Variants in MOK observed in about 807,000 individuals in gnomAD.
MOK encodes the protein MAPK/MAK/MRK overlapping kinase.
Under a neutral mutation model 54.2 loss-of-function variants are expected in MOK, and 59 were observed. That is an observed-to-expected ratio of 1.09 (90% CI 0.88 to 1.35). The LOEUF is 1.35. MOK is among the 40% of genes most tolerant of loss of function. MOK has a pLI of 0.00. For synonymous variants in MOK, 210 were observed against 202.7 expected (o/e 1.04, Z -0.31); for missense variants, 517 against 526.2 (o/e 0.98, Z 0.17).
At chr14:102,281,050 A>G (rs1465428064) in intron 2 of MOK, among the ~76,000 whole-genome samples, 1 of 152,152 alleles carries the variant, frequency 6.6e-6, no homozygotes, top group Non-Finnish European at 1.5e-5. Flanking sequence ...TAGGCTGGGC[A>G]TGGTGGCTCA....
At chr14:102,225,121 T>C (rs1458942161), downstream of MOK, 1 of 273,408 alleles carries the variant, frequency 3.7e-6, no homozygotes, top group East Asian at 1.1e-4. Context: ...AATGAAGTGG[T>C]GCGATCATAG....
At chr14:102,239,677 T>G (rs1416878582) in intron 7 of MOK, among the ~76,000 whole-genome samples, 3 of 152,182 alleles carry the variant, frequency 2.0e-5, no homozygotes, top group Non-Finnish European at 2.9e-5. Context: ...GAGACCATCC[T>G]GGCCAACATG....
chr14:102,217,917 C>T, the MOK span, among the ~76,000 whole-genome samples: 5 of 152,202 alleles, frequency 3.3e-5, no homozygotes, highest in Admixed American at 1.3e-4. Flanking sequence ...TGAGATTCTG[C>T]CAGGAGCACC....
At chr14:102,242,264 G>A (rs550378004) in intron 7 of MOK, among the ~76,000 whole-genome samples, 135 of 152,194 alleles carry the variant, frequency 8.9e-4, no homozygotes, top group Non-Finnish European at 1.6e-3. Context: ...GGGTATTGAC[G>A]GCCAGGCTTC....
At chr14:102,254,983 G>A (rs989245237) in intron 4 of MOK, among the ~76,000 whole-genome samples, 1 of 152,126 alleles carries the variant, frequency 6.6e-6, no homozygotes, top group Admixed American at 6.5e-5. Context: ...TGGGAAACGT[G>A]GAATCTTTTA....
chr14:102,222,435 C>T (rs1334659505), downstream of MOK, among the ~76,000 whole-genome samples: 1 of 152,206 alleles, frequency 6.6e-6, no homozygotes, highest in Non-Finnish European at 1.5e-5. This position sits in a 1 kb window ranked among gnomAD's most constrained non-coding sequence, Gnocchi z 4.4. Context: ...GGTGTGCGGT[C>T]CAGAACTGCG....
intron 7 of MOK, among the ~76,000 whole-genome samples, chr14:102,248,622 CA>C (rs796121726): frequency 5.9e-5 from 9 of 151,866 alleles, no homozygotes; most frequent in African/African-American, 2.2e-4. Flanking sequence ...ACTAAAAATA[CA>C]AAAAATTAGC....
At chr14:102,222,814 A>T, downstream of MOK, 1 of 1,614,088 alleles carries the variant, frequency 6.2e-7, no homozygotes, top group Non-Finnish European at 8.5e-7. This position sits in a 1 kb window ranked among gnomAD's most constrained non-coding sequence, Gnocchi z 4.4. Flanking sequence ...ATTAATGTAG[A>T]CTGCTTTGTT....
chr14:102,298,172 A>G (rs1421100594), intron 1 of MOK, among the ~76,000 whole-genome samples: 2 of 152,262 alleles, frequency 1.3e-5, no homozygotes. Context: ...GGGGACTTAG[A>G]GAACCTTTAT....
At chr14:102,279,625 G>A (rs2069209091) in intron 2 of MOK, among the ~76,000 whole-genome samples, 1 of 151,968 alleles carries the variant, frequency 6.6e-6, no homozygotes, top group Non-Finnish European at 1.5e-5. Context: ...ATTCTTAATT[G>A]TGTACTTTTG....
chr14:102,263,435 A>AACTGTG (rs2067636945), intron 4 of MOK, 111 bp downstream of exon 4: 2 of 734,152 alleles, frequency 2.7e-6, no homozygotes, highest in African/African-American at 3.6e-5. Context: ...ACTGTGTATT[A>AACTGTG]TATATAACTA....
At position 102,254,737 on chromosome 14, in the gene MOK, G is replaced by A. The variant is rs150787780; in HGVS notation, c.284-2742C>T. Among the ~76,000 whole-genome samples the A allele has an allele frequency of 2.6e-5, 4 of 152,286 alleles. No homozygotes were observed. In the East Asian group the frequency reaches 5.8e-4, roughly 22 times the overall value. On this transcript the variant is annotated intron_variant, in intron 4 of 11. Transcript: ENST00000361847. ...CAGTCGCCTAACTAGAGCCCCAGGTGCAGCTACTAGTCTTGGGTCCTCGCT... is the reference window on the plus strand; with the variant it reads ...CAGTCGCCTAACTAGAGCCCCAGGTACAGCTACTAGTCTTGGGTCCTCGCT...
intron 4 of MOK, among the ~76,000 whole-genome samples, chr14:102,259,327 A>G (rs1196589725): frequency 2.0e-5 from 3 of 152,160 alleles, no homozygotes; most frequent in Non-Finnish European, 4.4e-5. Context: ...AGCCTTAGTG[A>G]TTGATTCAGT....
At chr14:102,274,620 G>A (rs1014249575) in intron 2 of MOK, among the ~76,000 whole-genome samples, 6 of 151,428 alleles carry the variant, frequency 4.0e-5, no homozygotes, top group African/African-American at 1.5e-4. Flanking sequence ...AAAAAAAATT[G>A]AGCTGATTCT....
intron 4 of MOK, among the ~76,000 whole-genome samples, chr14:102,258,980 C>T (rs1343204179): frequency 3.3e-5 from 5 of 151,492 alleles, no homozygotes; most frequent in East Asian, 1.9e-4. Context: ...GCAGGAGAAT[C>T]GCTTGAACCC....
intron 3 of MOK, 74 bp downstream of exon 3, chr14:102,265,749 C>T: frequency 2.4e-6 from 3 of 1,230,302 alleles, no homozygotes; most frequent in Non-Finnish European, 3.5e-6. Flanking sequence ...AAAATGTCTA[C>T]CATGGTTTTC....
chr14:102,239,139 C>T (rs1371703240), intron 7 of MOK, among the ~76,000 whole-genome samples: 1 of 152,194 alleles, frequency 6.6e-6, no homozygotes. Context: ...TCCCAAATCA[C>T]CCAACAGCTC....
intron 1 of MOK, among the ~76,000 whole-genome samples, chr14:102,289,385 C>T (rs1431260267): frequency 6.6e-6 from 1 of 152,186 alleles, no homozygotes; most frequent in African/African-American, 2.4e-5. Context: ...TGCACGTCTA[C>T]AAATCCCTAC....
chr14:102,245,119 G>A lies in MOK; in HGVS notation c.590+5693C>T, dbSNP rs188906770. Among the ~76,000 whole-genome samples the A allele has an allele frequency of 4.0e-5, 6 of 151,804 alleles. No homozygotes were observed. The highest frequency in any genetic ancestry group is 2.6e-4 in the Admixed American group (4 of 15,214). On this transcript the variant is annotated intron_variant, in intron 7 of 11. Coordinates refer to ENST00000361847, the MANE Select transcript of MOK (RefSeq NM_014226.3). This position sits in a 1 kb window ranked among gnomAD's most constrained non-coding sequence, Gnocchi z 4.3. ...CTCTTATTTGGACCTTGTGTCTTCCGTTTAGCTCTCAATTCATAAAAAAAC... is the reference window on the plus strand; with the variant it reads ...CTCTTATTTGGACCTTGTGTCTTCCATTTAGCTCTCAATTCATAAAAAAAC...
Sources: gnomAD v4.1 joint callset for allele counts (sites outside exome capture counted in the v4.1 genomes callset) on GRCh38, gnomAD v4.1.1 for gene constraint, Gnocchi (gnomAD v3.1) non-coding constraint, MANE v1.5 for transcripts, NCBI Gene and HGNC (gene_info 2026-07-23, HGNC 2026-07-21) for gene names.